The following CSMD1 variants were observed in gnomAD, a reference collection of about 807,000 sequenced individuals.
The protein encoded by CSMD1 is CUB and Sushi multiple domains 1.
Under a neutral mutation model 417.5 loss-of-function variants are expected in CSMD1, and 213 were observed. That is an observed-to-expected ratio of 0.51 (90% confidence interval 0.46 to 0.57). CSMD1 has a LOEUF of 0.57. Among genes scored for constraint, CSMD1 ranks in the 20% least tolerant of loss-of-function variants. The pLI, the probability that CSMD1 is intolerant of heterozygous loss-of-function variation, is 0.00. For missense variants in CSMD1, 6,923 were observed against 4,529.7 expected, an observed-to-expected ratio of 1.53 and a Z score of -15.17; for synonymous variants, 2,862 against 1,736.8, an observed-to-expected ratio of 1.65 and a Z score of -16.11.
At chr8:3,961,934 T>A (rs973785176) in intron 5 of CSMD1, among the ~76,000 whole-genome samples, 1 of 152,208 alleles carries the variant, frequency 6.6e-6, no homozygotes, top group African/African-American at 2.4e-5. Flanking sequence ...CTTGGGCGCT[T>A]TCTTCCTCAA....
intron 2 of CSMD1, among the ~76,000 whole-genome samples, chr8:4,424,923 A>T (rs1369737802): frequency 6.6e-6 from 1 of 152,132 alleles, no homozygotes; most frequent in East Asian, 1.9e-4. Flanking sequence ...AATTAAATAC[A>T]TTGGAAAGGT....
chr8:4,777,222 C>A (rs1796900019), intron 1 of CSMD1, among the ~76,000 whole-genome samples: 2 of 152,166 alleles, frequency 1.3e-5, no homozygotes, highest in Non-Finnish European at 1.5e-5. Context: ...CTAAACCATG[C>A]TGAGAAGCAG....
chr8:4,641,815 C>A (rs1224432954), intron 1 of CSMD1, among the ~76,000 whole-genome samples: 2 of 152,094 alleles, frequency 1.3e-5, no homozygotes, highest in African/African-American at 4.8e-5. Flanking sequence ...ACTCTAAATT[C>A]TGTCGTTCTT....
intron 3 of CSMD1, among the ~76,000 whole-genome samples, chr8:4,338,941 T>A (rs1321295810): frequency 6.6e-6 from 1 of 152,104 alleles, no homozygotes; most frequent in East Asian, 1.9e-4. Flanking sequence ...AGGGTAAGCG[T>A]ATCTGAACAT....
intron 26 of CSMD1, among the ~76,000 whole-genome samples, chr8:3,236,590 C>T (rs2116940923): frequency 6.6e-6 from 1 of 152,268 alleles, no homozygotes. Context: ...AATACAAACC[C>T]CCACCCAGGG....
chr8:4,237,534 C>CTTTTTTTTTTTTTTTTTTTTT (rs11433104), intron 3 of CSMD1, among the ~76,000 whole-genome samples: 1 of 149,282 alleles, frequency 6.7e-6, no homozygotes. Flanking sequence ...GTCAATACTA[C>CTTTTTTTTTTTTTTTTTTTTT]TTTTTTTTTT....
intron 3 of CSMD1, among the ~76,000 whole-genome samples, chr8:4,065,899 A>T (rs761232756): frequency 6.6e-6 from 1 of 152,234 alleles, no homozygotes; most frequent in Non-Finnish European, 1.5e-5. Context: ...CTGCTCAAAG[A>T]AGAACAAAGT....
Position 4,238,116 on chromosome 8 carries a change from G to T in CSMD1, c.415+181837C>A, listed in dbSNP as rs537598226. On this transcript the variant is annotated intron_variant, in intron 3 of 69. Coordinates refer to ENST00000635120, the MANE Select transcript of CSMD1 (RefSeq NM_033225.6). ...ATTGAGACACAATTTTTTCAGTCATGTCTGCCCCTGGCCTAAAAATGTCTG... is the reference window on the plus strand; with the variant it reads ...ATTGAGACACAATTTTTTCAGTCATTTCTGCCCCTGGCCTAAAAATGTCTG... Among the ~76,000 whole-genome samples, 7 of 152,204 alleles carry T rather than the reference G, an allele frequency of 4.6e-5. No homozygotes were observed. The East Asian group carries it at 1.4e-3, about 29-fold the overall frequency.
intron 3 of CSMD1, among the ~76,000 whole-genome samples, chr8:4,041,637 A>G (rs988836808): frequency 4.6e-5 from 7 of 152,206 alleles, no homozygotes; most frequent in African/African-American, 1.7e-4. Context: ...GATATCCATA[A>G]GAAGAAGAAA....
rs1333459427 is a variant in CSMD1 at position 3,386,054 on chromosome 8, G to C, written c.2782+1440C>G. Among the ~76,000 whole-genome samples the C allele has an allele frequency of 2.6e-5, 4 of 152,234 alleles. No homozygotes were observed. In the South Asian group the frequency reaches 6.2e-4, roughly 24 times the overall value. On this transcript the variant is annotated intron_variant, in intron 18 of 69. Transcript: ENST00000635120. ...GTAATTCTTAGCTCATTTAAGATTG[G>C]TAAGTGGCAAAATGATATCAATACA...
intron 46 of CSMD1, among the ~76,000 whole-genome samples, chr8:3,100,664 G>A (rs2129012394): frequency 6.6e-6 from 1 of 152,298 alleles, no homozygotes; most frequent in Non-Finnish European, 1.5e-5. Flanking sequence ...TCTGCACAAT[G>A]TTAGTGCCCC....
intron 1 of CSMD1, among the ~76,000 whole-genome samples, chr8:4,754,374 C>T (rs998782650): frequency 1.3e-5 from 2 of 152,184 alleles, no homozygotes; most frequent in African/African-American, 4.8e-5. Context: ...CCACCCACAT[C>T]AGGTATTAAT....
chr8:4,607,937 C>A (rs936093259), intron 2 of CSMD1, among the ~76,000 whole-genome samples: 6 of 152,148 alleles, frequency 3.9e-5, no homozygotes, highest in African/African-American at 1.4e-4. Flanking sequence ...TGAGGTCTCA[C>A]TGACATCTGG....
At chr8:4,353,236 C>A (rs1245332705) in intron 3 of CSMD1, among the ~76,000 whole-genome samples, 3 of 152,040 alleles carry the variant, frequency 2.0e-5, no homozygotes, top group African/African-American at 7.2e-5. Flanking sequence ...ACGGTTTCCC[C>A]CAGACTGTTC....
intron 10 of CSMD1, among the ~76,000 whole-genome samples, chr8:3,533,655 G>T (rs1023705514): frequency 1.3e-5 from 2 of 152,052 alleles, no homozygotes; most frequent in African/African-American, 4.8e-5. Context: ...GCTCTGGGAG[G>T]CCCATGAGCT....
chr8:4,078,686 C>G (rs1799959760), intron 3 of CSMD1, among the ~76,000 whole-genome samples: 1 of 150,114 alleles, frequency 6.7e-6, no homozygotes, highest in Non-Finnish European at 1.5e-5. Context: ...TGTATTCTTG[C>G]TAATAAATGT....
At chr8:4,114,473 A>C (rs1479209859) in intron 3 of CSMD1, among the ~76,000 whole-genome samples, 1 of 152,214 alleles carries the variant, frequency 6.6e-6, no homozygotes, top group African/African-American at 2.4e-5. Flanking sequence ...AAAGAGATTA[A>C]TGTTGTCTTC....
At chr8:3,918,356 C>A (rs1217586807) in intron 5 of CSMD1, among the ~76,000 whole-genome samples, 1 of 152,028 alleles carries the variant, frequency 6.6e-6, no homozygotes, top group Non-Finnish European at 1.5e-5. Context: ...ACGTCCGCAT[C>A]AACACATATA....
intron 3 of CSMD1, among the ~76,000 whole-genome samples, chr8:4,042,400 G>A (rs1341623096): frequency 6.6e-6 from 1 of 152,040 alleles, no homozygotes; most frequent in African/African-American, 2.4e-5. Context: ...AGGAAGTACT[G>A]AAATAACGAA....
Sources: allele counts gnomAD v4.1 joint callset (sites outside exome capture counted in the v4.1 genomes callset), GRCh38; gene constraint gnomAD v4.1.1; transcripts MANE v1.5; gene names NCBI Gene and HGNC (gene_info 2026-07-23, HGNC 2026-07-21).